The following CNTNAP2 variants were observed in gnomAD, a reference collection of about 807,000 sequenced individuals.
The protein encoded by CNTNAP2 is contactin associated protein 2, also known as contactin-associated protein-like 2.
Under a neutral mutation model 155.2 loss-of-function variants are expected in CNTNAP2, and 98 were observed. That is an observed-to-expected ratio of 0.63 (90% CI 0.54 to 0.75). CNTNAP2 has a LOEUF of 0.75. Ranked by LOEUF, CNTNAP2 falls within the 30% of genes least tolerant of loss-of-function variation. The pLI, the probability that CNTNAP2 is intolerant of heterozygous loss-of-function variation, is 0.00. For synonymous variants in CNTNAP2, 651 were observed against 631.2 expected, an observed-to-expected ratio of 1.03 and a Z score of -0.47; for missense variants, 1,727 against 1,688.1, an observed-to-expected ratio of 1.02 and a Z score of -0.40.
intron 1 of CNTNAP2, among the ~76,000 whole-genome samples, chr7:146,698,585 G>C (rs1399425788): frequency 6.6e-6 from 1 of 152,166 alleles, no homozygotes; most frequent in Non-Finnish European, 1.5e-5. Context: ...TATTATGCCA[G>C]GAAGGAGATT....
chr7:146,332,158 A>T (rs906954840), intron 1 of CNTNAP2, among the ~76,000 whole-genome samples: 1 of 151,776 alleles, frequency 6.6e-6, no homozygotes, highest in African/African-American at 2.4e-5. Context: ...TAAATTTATT[A>T]TATAACTAAA....
chr7:147,450,016 C>T (rs903570644), intron 10 of CNTNAP2, among the ~76,000 whole-genome samples: 3 of 152,094 alleles, frequency 2.0e-5, no homozygotes, highest in African/African-American at 7.2e-5. Flanking sequence ...TTTGTAAATC[C>T]CCCAACCAAG....
chr7:148,164,476 C>G (rs1331911716), intron 17 of CNTNAP2, among the ~76,000 whole-genome samples: 4 of 152,270 alleles, frequency 2.6e-5, no homozygotes, highest in African/African-American at 9.6e-5. Flanking sequence ...TTTTTCCCAC[C>G]AGTCACTCAC....
chr7:148,353,593 A>T (rs1798464805), intron 21 of CNTNAP2, among the ~76,000 whole-genome samples: 2 of 152,200 alleles, frequency 1.3e-5, no homozygotes, highest in South Asian at 4.1e-4. Flanking sequence ...AATTATTATC[A>T]AGAGCCTTTT....
At chr7:147,726,470 G>A (rs1278124981) in intron 13 of CNTNAP2, among the ~76,000 whole-genome samples, 1 of 151,966 alleles carries the variant, frequency 6.6e-6, no homozygotes, top group Non-Finnish European at 1.5e-5. Flanking sequence ...TAGCCTCAAA[G>A]ACCATCTTAA....
intron 8 of CNTNAP2, among the ~76,000 whole-genome samples, chr7:147,144,449 C>T (rs1022316089): frequency 3.3e-5 from 5 of 152,174 alleles, no homozygotes; most frequent in African/African-American, 1.2e-4. Context: ...ACACATTCTC[C>T]ACTTTTACCA....
intron 12 of CNTNAP2, among the ~76,000 whole-genome samples, chr7:147,622,456 T>C (rs557052138): frequency 6.6e-6 from 1 of 152,082 alleles, no homozygotes; most frequent in South Asian, 2.1e-4. Context: ...CACAATGGAA[T>C]AAAACTAGAA....
chr7:146,404,894 T>C (rs930986565), intron 1 of CNTNAP2, among the ~76,000 whole-genome samples: 3 of 152,170 alleles, frequency 2.0e-5, no homozygotes, highest in Non-Finnish European at 4.4e-5. Context: ...CCGTTCCACA[T>C]TAGTTCCGGT....
intron 8 of CNTNAP2, among the ~76,000 whole-genome samples, chr7:147,240,537 T>C (rs1803912176): frequency 6.6e-6 from 1 of 152,244 alleles, no homozygotes; most frequent in Non-Finnish European, 1.5e-5. Flanking sequence ...ATTAAGTTAA[T>C]TACTTACTGT....
chr7:148,285,600 C>A (rs933876434), intron 21 of CNTNAP2, among the ~76,000 whole-genome samples: 4 of 152,258 alleles, frequency 2.6e-5, no homozygotes, highest in Non-Finnish European at 5.9e-5. Flanking sequence ...CTAATTCTAA[C>A]CTTGCAAGTA....
intron 1 of CNTNAP2, among the ~76,000 whole-genome samples, chr7:146,303,423 A>G (rs1283100968): frequency 6.6e-6 from 1 of 152,152 alleles, no homozygotes; most frequent in Non-Finnish European, 1.5e-5. Context: ...GTAAGCATAC[A>G]ACATGAAATC....
chr7:146,192,562 A>G (rs1046233245), intron 1 of CNTNAP2, among the ~76,000 whole-genome samples: 6 of 152,110 alleles, frequency 3.9e-5, no homozygotes, highest in African/African-American at 1.2e-4. Context: ...ATCGTATCTC[A>G]TGCGACATAT....
At chr7:147,785,350 G>A (rs1336232063) in intron 13 of CNTNAP2, among the ~76,000 whole-genome samples, 2 of 152,136 alleles carry the variant, frequency 1.3e-5, no homozygotes, top group African/African-American at 4.8e-5. Context: ...GAGGGAAGGG[G>A]GAGCTGAGTG....
At chr7:146,373,017 G>T (rs561940253) in intron 1 of CNTNAP2, among the ~76,000 whole-genome samples, 9 of 152,246 alleles carry the variant, frequency 5.9e-5, no homozygotes, top group African/African-American at 1.9e-4. Flanking sequence ...ATAATAAGAA[G>T]GGTGAAACTA....
chr7:147,611,301 T>G (rs1004049636), intron 12 of CNTNAP2, among the ~76,000 whole-genome samples: 1 of 152,162 alleles, frequency 6.6e-6, no homozygotes, highest in African/African-American at 2.4e-5. Flanking sequence ...CTACACAGGT[T>G]AGAAGACTCC....
chr7:147,559,547 C>A (rs1327088226), intron 11 of CNTNAP2, among the ~76,000 whole-genome samples: 1 of 151,918 alleles, frequency 6.6e-6, no homozygotes, highest in East Asian at 1.9e-4. Context: ...GTGTTGTAAA[C>A]AAGATACCAA....
intron 3 of CNTNAP2, among the ~76,000 whole-genome samples, chr7:146,969,160 A>G (rs927805860): frequency 6.6e-6 from 1 of 151,860 alleles, no homozygotes; most frequent in African/African-American, 2.4e-5. Flanking sequence ...GTTTGATTGC[A>G]CTGTGGTCTG....
At position 146,438,502 on chromosome 7, in the gene CNTNAP2, T is replaced by A. The variant is rs528427126; in HGVS notation, c.97+321529T>A. ...TACCTTCAGAAGTTTGGGCTACATA[T>A]TTATAATGAGCTGAAAACTTGTGTT... On this transcript the variant is annotated intron_variant, in intron 1 of 23. Coordinates refer to ENST00000361727, the MANE Select transcript of CNTNAP2 (RefSeq NM_014141.6). Among the ~76,000 whole-genome samples, 7 of 151,582 alleles carry A rather than the reference T, an allele frequency of 4.6e-5. No individual in the cohort carries two copies. In the East Asian group the frequency reaches 1.4e-3, roughly 29 times the overall value.
At position 147,903,607 on chromosome 7, in the gene CNTNAP2, A is replaced by G. The variant is rs1395349575; in HGVS notation, c.2141A>G (p.Lys714Arg). ...YTWWVGKANE[K>R]HYYWGGSGPG... is the part of the protein sequence containing the mutation. ...TGGTGGGTTGGCAAAGCCAACGAGA[A>G]GCACTACTACTGGGGAGGCTCTGGG... Residue 714 changes from lysine to arginine, a missense_variant, in exon 14 of 24, where the codon AAG becomes AGG. Coordinates refer to ENST00000361727, the MANE Select transcript of CNTNAP2 (RefSeq NM_014141.6). 1 of 1,614,194 alleles carries G rather than the reference A, an allele frequency of 6.2e-7. No homozygotes were observed. The highest frequency in any genetic ancestry group is 1.1e-5 in the South Asian group (1 of 91,084).
Sources: allele counts gnomAD v4.1 joint callset (sites outside exome capture counted in the v4.1 genomes callset), GRCh38; gene constraint gnomAD v4.1.1; transcripts MANE v1.5; gene names NCBI Gene and HGNC (gene_info 2026-07-23, HGNC 2026-07-21).